The following ATXN2 variants were observed in gnomAD, a reference collection of about 807,000 sequenced individuals.
The protein encoded by ATXN2 is ataxin 2.
A neutral mutation model predicts 138.6 loss-of-function variants in ATXN2; 37 were observed. The ratio of observed to expected loss-of-function variants is 0.27; its 90% CI spans 0.21 to 0.35. The LOEUF (loss-of-function observed/expected upper bound fraction) is 0.35. ATXN2 is among the 10% of genes least tolerant of loss of function. ATXN2 has a pLI of 1.00. For missense variants in ATXN2, 1,216 were observed against 1,480.3 expected (o/e 0.82, Z 2.93); for synonymous variants, 549 against 543.7 (o/e 1.01, Z -0.13).
intron 18 of ATXN2, chr12:111,479,126 A>G (rs183252482): frequency 1.3e-5 from 5 of 393,574 alleles, no homozygotes; most frequent in Non-Finnish European, 2.2e-5. Flanking sequence ...AAACACAAAC[A>G]CTTGTACACA....
At chr12:111,582,103 G>A (rs1010607239) in intron 1 of ATXN2, among the ~76,000 whole-genome samples, 8 of 152,110 alleles carry the variant, frequency 5.3e-5, no homozygotes. Flanking sequence ...GGAGGCCAAG[G>A]CAAGAGGAGT....
chr12:111,535,280 C>T (rs1592872976), intron 5 of ATXN2, among the ~76,000 whole-genome samples: 1 of 152,098 alleles, frequency 6.6e-6, no homozygotes, highest in African/African-American at 2.4e-5. Context: ...GTATCTAAAA[C>T]TCTAGTTAGT....
At chr12:111,462,938 CAAAT>C (rs1376106347) in intron 21 of ATXN2, among the ~76,000 whole-genome samples, 1 of 149,998 alleles carries the variant, frequency 6.7e-6, no homozygotes, top group Non-Finnish European at 1.5e-5. Context: ...TTCCTAGCAC[CAAAT>C]AAATTATATA....
intron 20 of ATXN2, among the ~76,000 whole-genome samples, chr12:111,465,397 C>T (rs1875917387): frequency 6.6e-6 from 1 of 151,558 alleles, no homozygotes; most frequent in Non-Finnish European, 1.5e-5. Context: ...CCTAATGGCT[C>T]TAGTTAGTCG....
At chr12:111,505,744 G>A (rs1373556983) in intron 14 of ATXN2, among the ~76,000 whole-genome samples, 1 of 152,188 alleles carries the variant, frequency 6.6e-6, no homozygotes, top group Non-Finnish European at 1.5e-5. Context: ...CTGCTGGTGG[G>A]AATGTAAAAT....
chr12:111,500,888 A>G (rs1592837210), intron 14 of ATXN2, among the ~76,000 whole-genome samples: 1 of 152,198 alleles, frequency 6.6e-6, no homozygotes, highest in African/African-American at 2.4e-5. Context: ...AATAAATAAA[A>G]TAAGTTTAAA....
intron 5 of ATXN2, among the ~76,000 whole-genome samples, chr12:111,551,727 A>G (rs1331313097): frequency 1.3e-5 from 2 of 152,206 alleles, no homozygotes; most frequent in Non-Finnish European, 2.9e-5. Flanking sequence ...AACTGTAGAA[A>G]ATGCTTTACA....
At chr12:111,588,536 C>T (rs373481067) in intron 1 of ATXN2, among the ~76,000 whole-genome samples, 3 of 149,894 alleles carry the variant, frequency 2.0e-5, no homozygotes, top group African/African-American at 7.3e-5. Context: ...GCAGAAAAAT[C>T]GCTTTAACCT....
chr12:111,513,071 C>G (rs1425836666), intron 11 of ATXN2: 1 of 356,640 alleles, frequency 2.8e-6, no homozygotes, highest in African/African-American at 2.2e-5. Context: ...ATTTATGAAC[C>G]TTATAGGAAT....
rs144235483 is a variant in ATXN2, at chr12:111,554,227, TAA to T, written c.289-12_289-11del. 1,108 of 1,116,966 alleles carry T rather than the reference TAA, an allele frequency of 9.9e-4. No individual in the cohort carries two copies. Among genetic ancestry groups the T allele is most frequent in the Admixed American group, 1.4e-3 (39 of 28,658 alleles). 69.2% of individuals were successfully genotyped at this position (1,116,966 alleles called of 1,614,324 possible). ...TTCCATCAAAAGAAATCTGGAATAT[TAA>T]AAAAAAAAAAAACTATTAGAAATTA... On this transcript the variant is annotated splice_polypyrimidine_tract_variant and intron_variant, in intron 2 of 24. Transcript: ENST00000673436.
At chr12:111,543,683 T>C (rs1881655178) in intron 5 of ATXN2, among the ~76,000 whole-genome samples, 1 of 152,194 alleles carries the variant, frequency 6.6e-6, no homozygotes, top group African/African-American at 2.4e-5. Flanking sequence ...ATTCCATTTT[T>C]CTTGAATTTA....
chr12:111,463,617 C>T (rs1316254143), intron 21 of ATXN2, among the ~76,000 whole-genome samples: 2 of 152,098 alleles, frequency 1.3e-5, no homozygotes. Flanking sequence ...AAAAATGTAC[C>T]TTAAAAGTTC....
rs931248629 is a variant in ATXN2 at position 111,494,314 on chromosome 12, A to C, written c.1936-5534T>G. On this transcript the variant is annotated intron_variant, in intron 14 of 24. Coordinates refer to ENST00000673436, the MANE Select transcript of ATXN2 (RefSeq NM_001372574.1). The stretch of plus-strand genomic sequence containing the variant: ...TAAAAAGCGGGCAGATGAAGTGTAG[A>C]GTTTTTATTAGTTTTCTCTTTGCTT... 3.9e-5 allele frequency among the ~76,000 whole-genome samples: 6 copies of C among 152,048 alleles called. 1 individual carries two copies. In the South Asian group the frequency reaches 1.2e-3, roughly 31 times the overall value.
intron 1 of ATXN2, among the ~76,000 whole-genome samples, chr12:111,593,136 G>A (rs1242485606): frequency 6.6e-6 from 1 of 152,020 alleles, no homozygotes; most frequent in African/African-American, 2.4e-5. Flanking sequence ...AGGCTGGAGT[G>A]TAATGGCATG....
intron 18 of ATXN2, chr12:111,471,597 C>T (rs1485864226): frequency 6.6e-6 from 1 of 152,172 alleles, no homozygotes; most frequent in African/African-American, 2.4e-5. Flanking sequence ...ATCCTAAGAA[C>T]TGATTATATA....
chr12:111,588,374 C>CA (rs1158179895), intron 1 of ATXN2, among the ~76,000 whole-genome samples: 3 of 151,914 alleles, frequency 2.0e-5, no homozygotes, highest in African/African-American at 7.3e-5. Flanking sequence ...TTAAGGTTGC[C>CA]AGGCATGGGA....
At chr12:111,475,109 G>C (rs1470680864) in intron 18 of ATXN2, among the ~76,000 whole-genome samples, 1 of 152,048 alleles carries the variant, frequency 6.6e-6, no homozygotes, top group Admixed American at 6.6e-5. Flanking sequence ...AGCTACTCAG[G>C]AGGCTGAGGC....
rs1593087024 is a variant in ATXN2 at position 111,452,645 on chromosome 12, A to G, written c.*167T>C. On this transcript the variant is annotated 3_prime_UTR_variant, in exon 25 of 25. Transcript: ENST00000673436. ...CTAAATGCCTCTACTCGGTCCAAGTATCTTCCACTGCAAGTGAACTGTTAG... is the reference window on the plus strand; with the variant it reads ...CTAAATGCCTCTACTCGGTCCAAGTGTCTTCCACTGCAAGTGAACTGTTAG... 1 of 791,208 alleles carries G rather than the reference A, an allele frequency of 1.3e-6. No individual in the cohort carries two copies. Among genetic ancestry groups the G allele is most frequent in the Non-Finnish European group, 2.1e-6 (1 of 478,326 alleles). 49.0% of individuals were successfully genotyped at this position (791,208 alleles called of 1,614,324 possible).
chr12:111,516,477 C>A lies in ATXN2; in HGVS notation c.1166-114G>T. The A allele has an allele frequency of 1.0e-6, 1 of 989,144 alleles. No homozygotes were observed. The highest frequency in any genetic ancestry group is 1.7e-5 in the South Asian group (1 of 58,780). The allele number at this position is 989,144 out of a possible 1,614,324, so 61.3% of individuals were successfully genotyped here. A position where few individuals can be genotyped will look rare whatever the true frequency, so the allele number is the denominator to read the frequency against. On this transcript the variant is annotated intron_variant, in intron 9 of 24. Coordinates refer to ENST00000673436, the MANE Select transcript of ATXN2 (RefSeq NM_001372574.1). The surrounding 1 kb of genome is among the most constrained non-coding windows in gnomAD (Gnocchi z 5.0). The stretch of plus-strand genomic sequence containing the variant: ...AAATGATTTCTTGTACATTTTAACC[C>A]TTTGAGGACAGTCATTTGATTTGTG...
Sources: allele counts gnomAD v4.1 joint callset (sites outside exome capture counted in the v4.1 genomes callset), GRCh38; gene constraint gnomAD v4.1.1; non-coding constraint Gnocchi (gnomAD v3.1); transcripts MANE v1.5; gene names NCBI Gene and HGNC (gene_info 2026-07-23, HGNC 2026-07-21).